The following GLYAT variants were observed in gnomAD, a reference collection of about 807,000 sequenced individuals.
GLYAT encodes the protein glycine-N-acyltransferase.
In GLYAT, 25 loss-of-function variants were observed where a neutral mutation model predicts 22.8. The ratio of observed to expected loss-of-function variants is 1.09; its 90% CI spans 0.80 to 1.53. The LOEUF (loss-of-function observed/expected upper bound fraction) is 1.53, where lower values mean the gene tolerates loss of function less well. Among genes scored for constraint, GLYAT ranks in the 40% most tolerant of loss-of-function variants. GLYAT has a pLI of 0.00. For synonymous variants in GLYAT, 140 were observed against 122.7 expected (o/e 1.14, Z -0.93); for missense variants, 411 against 353.9 (o/e 1.16, Z -1.29).
chr11:58,709,967 C>A lies in GLYAT; in HGVS notation c.690G>T (p.Met230Ile). Residue 230 changes from methionine (M) to isoleucine (I), a missense_variant, in exon 6 of 6, where the codon ATG becomes ATT. Physicochemically the swap from Met to Ile is conservative, Grantham distance 10. Coordinates refer to ENST00000344743, the MANE Select transcript of GLYAT (RefSeq NM_201648.3). ...DLMDQTGEMR[M>I]AGTLPEYRLH... ...GCCGGTATTCCGGCAAGGTGCCTGC[C>A]ATTCTCATCTCTCCAGTCTGGTCCA... is the stretch of plus-strand genomic sequence containing the variant. 3 of 1,614,104 alleles carry A rather than the reference C, an allele frequency of 1.9e-6. No individual in the cohort carries two copies. Among genetic ancestry groups the A allele is most frequent in the Non-Finnish European group, 2.5e-6 (3 of 1,179,972 alleles).
intron 1 of GLYAT, among the ~76,000 whole-genome samples, chr11:58,730,096 C>A (rs143671047): frequency 2.0e-5 from 3 of 152,142 alleles, no homozygotes; most frequent in East Asian, 1.9e-4. Context: ...GAGTAGCATT[C>A]CCGGGCATAA....
In GLYAT at chr11:58,712,883, T is replaced by C; in HGVS notation, c.193A>G (p.Met65Val). The change falls in exon 4 of 6, where the codon ATG becomes GTG. Residue 65 changes from methionine (M) to valine (V), a missense_variant. By Grantham distance (21) the Met-to-Val change is conservative. Coordinates refer to ENST00000344743, the MANE Select transcript of GLYAT (RefSeq NM_201648.3). ...GTATAGTGATCAAGGTCATCTGTCA[T>C]ATCCTGTTATCATTAGGAAAAAGGA... ...TVVVCPQEQDMTDDLDHYTNT... is the reference protein window; with the variant it reads ...TVVVCPQEQDVTDDLDHYTNT... The C allele has an allele frequency of 6.3e-7, 1 of 1,588,658 alleles. No homozygotes were observed. The highest frequency in any genetic ancestry group is 8.6e-7 in the Non-Finnish European group (1 of 1,159,348).
chr11:58,724,700 C>CT (rs1367287856), intron 1 of GLYAT, among the ~76,000 whole-genome samples, 189 bp from the exon 2 acceptor site: 2 of 151,760 alleles, frequency 1.3e-5, no homozygotes, highest in Admixed American at 6.6e-5. Context: ...TTTTTTAGCT[C>CT]TTTTTTCTTA....
intron 2 of GLYAT, among the ~76,000 whole-genome samples, chr11:58,721,955 T>C (rs962801975): frequency 3.9e-5 from 6 of 152,104 alleles, no homozygotes; most frequent in Admixed American, 2.6e-4. Flanking sequence ...ACATGATTTC[T>C]GAGCACCGTA....
chr11:58,723,312 A>G (rs966604304), intron 2 of GLYAT, among the ~76,000 whole-genome samples: 4 of 152,074 alleles, frequency 2.6e-5, no homozygotes, highest in African/African-American at 9.7e-5. Context: ...GAAGCCACTT[A>G]AATATTAGGT....
At position 58,709,941 on chromosome 11, in the gene GLYAT, A is replaced by C. The variant is rs1856589962; in HGVS notation, c.716T>G (p.Leu239Arg). The C allele has an allele frequency of 1.9e-6, 3 of 1,613,936 alleles. No homozygotes were observed. Among genetic ancestry groups the C allele is most frequent in the Non-Finnish European group, 8.5e-7 (1 of 1,179,966 alleles). Residue 239 changes from leucine to arginine, a missense_variant, in exon 6 of 6, where the codon CTC becomes CGC. Physicochemically the swap from Leu to Arg is moderately radical, Grantham distance 102. Coordinates refer to ENST00000344743, the MANE Select transcript of GLYAT (RefSeq NM_201648.3). The stretch of plus-strand genomic sequence containing the variant: ...GATGACATACGTCACAAGGCCATGG[A>C]GCCGGTATTCCGGCAAGGTGCCTGC... ...RMAGTLPEYR[L>R]HGLVTYVIYS...
rs1420836125 is a variant in GLYAT, at chr11:58,709,625, C to T, written c.*141G>A. 3.6e-6 allele frequency: 3 copies of T among 838,570 alleles called. No homozygotes were observed. The highest frequency in any genetic ancestry group is 1.7e-5 in the African/African-American group (1 of 58,982). 51.9% of individuals were successfully genotyped at this position (838,570 alleles called of 1,614,324 possible). A position where few individuals can be genotyped will look rare whatever the true frequency, so the allele number is the denominator to read the frequency against. ...CAGGGACCATGGCGATGCTGTTGAA[C>T]ATCACACTGCTTCCCCAGAGTCCAA... On this transcript the variant is annotated 3_prime_UTR_variant, in exon 6 of 6. Transcript: ENST00000344743.
Position 58,726,678 on chromosome 11 carries a change from T to A in GLYAT, c.-15-2167A>T, listed in dbSNP as rs570985587. 3.0e-3 allele frequency among the ~76,000 whole-genome samples: 462 copies of A among 152,258 alleles called. 5 individuals are homozygous for A. Among genetic ancestry groups the A allele is most frequent in the Middle Eastern group, 0.02 (6 of 294 alleles). ...TCTCTCATTCCATTCTTAGGCCAAG[T>A]ATTACAAAGAAAATAACTGCCATAA... is the stretch of plus-strand genomic sequence containing the variant. On this transcript the variant is annotated intron_variant, in intron 1 of 5. Transcript: ENST00000344743.
intron 1 of GLYAT, among the ~76,000 whole-genome samples, chr11:58,731,609 T>C (rs1206088513): frequency 2.0e-5 from 3 of 152,156 alleles, no homozygotes; most frequent in Non-Finnish European, 4.4e-5. Context: ...TATGAGAGCA[T>C]ACAGATAGTG....
At chr11:58,713,973 G>T (rs1856648162) in intron 3 of GLYAT, among the ~76,000 whole-genome samples, 2 of 151,926 alleles carry the variant, frequency 1.3e-5, no homozygotes, top group African/African-American at 4.8e-5. Flanking sequence ...TATACATTTT[G>T]AAATGGCTAA....
Position 58,710,659 on chromosome 11 carries a change from GCTGTTTCAGCTGCCATATAGAGAAT to G in GLYAT, c.394_418del (p.Ile132ProfsTer4). On this transcript the variant is annotated frameshift_variant, in exon 5 of 6. Transcript: ENST00000344743. LOFTEE classifies it high-confidence loss of function. Reference sequence around the variant, plus strand: ...CAGCAGGAAAGGAGTCAGTTCCTTGGCTGTTTCAGCTGCCATATAGAGAATGCGTTGTGTTTGTTTGACTTTGAAG... The same window carrying G: ...CAGCAGGAAAGGAGTCAGTTCCTTGGGCGTTGTGTTTGTTTGACTTTGAAG... 6.2e-7 allele frequency: 1 copy of G among 1,610,882 alleles called. No individual in the cohort carries two copies. The highest frequency in any genetic ancestry group is 8.5e-7 in the Non-Finnish European group (1 of 1,177,044).
At chr11:58,718,166 T>C (rs1388617147) in intron 2 of GLYAT, among the ~76,000 whole-genome samples, 1 of 152,104 alleles carries the variant, frequency 6.6e-6, no homozygotes, top group African/African-American at 2.4e-5. Context: ...GTTTCTCCAA[T>C]TGTTTCCTGT....
intron 2 of GLYAT, among the ~76,000 whole-genome samples, chr11:58,718,294 A>G (rs1856708149): frequency 6.6e-6 from 1 of 152,104 alleles, no homozygotes; most frequent in South Asian, 2.1e-4. Flanking sequence ...AACATGCTCC[A>G]AAGTTTGTTC....
chr11:58,729,329 C>A (rs549432399), intron 1 of GLYAT, among the ~76,000 whole-genome samples: 2 of 152,174 alleles, frequency 1.3e-5, no homozygotes, highest in Admixed American at 1.3e-4. Flanking sequence ...GAATAAGTCA[C>A]TCCCTTTTCT....
intron 2 of GLYAT, among the ~76,000 whole-genome samples, chr11:58,720,162 G>GA (rs1443551973): frequency 2.0e-5 from 3 of 151,414 alleles, no homozygotes; most frequent in African/African-American, 4.8e-5. Context: ...CTTTGAATTG[G>GA]AAAAAAACTT....
At position 58,719,985 on chromosome 11, in the gene GLYAT, C is replaced by A. The variant is rs1856729301; in HGVS notation, c.81+4431G>T. Among the ~76,000 whole-genome samples the A allele has an allele frequency of 2.0e-5, 3 of 151,886 alleles. No homozygotes were observed. In the South Asian group the frequency reaches 6.2e-4, roughly 32 times the overall value. On this transcript the variant is annotated intron_variant, in intron 2 of 5. Transcript: ENST00000344743. Reference sequence around the variant, plus strand: ...AACATCCCTCTTTTTTAAACAACCACTTATTTTAGTTTAGGATTAAATTTA... The same window carrying A: ...AACATCCCTCTTTTTTAAACAACCAATTATTTTAGTTTAGGATTAAATTTA...
chr11:58,711,674 C>T (rs1856618419), intron 4 of GLYAT, among the ~76,000 whole-genome samples: 2 of 152,136 alleles, frequency 1.3e-5, no homozygotes, highest in Admixed American at 1.3e-4. Context: ...GTAACATCTA[C>T]TAAGCTACAT....
At chr11:58,727,403 G>A (rs1432375048) in intron 1 of GLYAT, among the ~76,000 whole-genome samples, 1 of 152,186 alleles carries the variant, frequency 6.6e-6, no homozygotes, top group Non-Finnish European at 1.5e-5. Context: ...TTTGGTAGGT[G>A]TGCAAGACAA....
intron 3 of GLYAT, among the ~76,000 whole-genome samples, chr11:58,714,162 G>A (rs1047504546): frequency 5.3e-5 from 8 of 152,110 alleles, no homozygotes; most frequent in African/African-American, 1.4e-4. Context: ...TAAGGTGGGG[G>A]AAAGTAGAGG....
Sources: allele counts gnomAD v4.1 joint callset (sites outside exome capture counted in the v4.1 genomes callset), GRCh38; gene constraint gnomAD v4.1.1; transcripts MANE v1.5; gene names NCBI Gene and HGNC (gene_info 2026-07-23, HGNC 2026-07-21).